BCAS3: variants seen among roughly 807,000 people sequenced by gnomAD.
The protein encoded by BCAS3 is BCAS3 microtubule associated cell migration factor, also known as BCAS4/BCAS3 fusion.
In BCAS3, 53 loss-of-function variants were observed where a neutral mutation model predicts 116.1. That is an observed-to-expected ratio of 0.46 (90% CI 0.37 to 0.57). BCAS3 has a LOEUF of 0.57. Among genes scored for constraint, BCAS3 ranks in the 20% least tolerant of loss-of-function variants. The pLI is 0.00. For missense variants in BCAS3, 917 were observed against 1,165.4 expected, an observed-to-expected ratio of 0.79 and a Z score of 3.10; for synonymous variants, 391 against 408.2, an observed-to-expected ratio of 0.96 and a Z score of 0.51.
intron 10 of BCAS3, among the ~76,000 whole-genome samples, chr17:60,891,976 G>T (rs1446499160): frequency 6.6e-6 from 1 of 152,162 alleles, no homozygotes; most frequent in Non-Finnish European, 1.5e-5. Context: ...CAAAGGACAT[G>T]ATTTCATTCT....
intron 12 of BCAS3, among the ~76,000 whole-genome samples, chr17:60,912,672 T>G (rs1305920931): frequency 6.6e-6 from 1 of 152,152 alleles, no homozygotes; most frequent in Non-Finnish European, 1.5e-5. Flanking sequence ...TTAGTTGATG[T>G]GGATAAACAC....
At chr17:60,830,851 T>G (rs1292783373) in intron 7 of BCAS3, among the ~76,000 whole-genome samples, 6 of 87,378 alleles carry the variant, frequency 6.9e-5, no homozygotes, top group Non-Finnish European at 1.3e-4. Context: ...AATTTTTGGG[T>G]TTTTTTTTTT....
At chr17:60,945,956 T>C (rs2060468951) in intron 13 of BCAS3, among the ~76,000 whole-genome samples, 1 of 150,530 alleles carries the variant, frequency 6.6e-6, no homozygotes, top group Non-Finnish European at 1.5e-5. Flanking sequence ...CCGTCTCTAC[T>C]AAAAGTACAA....
At chr17:61,000,899 A>G (rs1284742316) in intron 15 of BCAS3, among the ~76,000 whole-genome samples, 1 of 152,150 alleles carries the variant, frequency 6.6e-6, no homozygotes, top group African/African-American at 2.4e-5. Flanking sequence ...AAATCAGTAC[A>G]CCTATTCTTG....
intron 22 of BCAS3, among the ~76,000 whole-genome samples, chr17:61,294,186 A>G (rs1290134041): frequency 6.6e-6 from 1 of 152,206 alleles, no homozygotes; most frequent in African/African-American, 2.4e-5. Flanking sequence ...ACAGATCCCA[A>G]CTACTGTAGT....
intron 22 of BCAS3, among the ~76,000 whole-genome samples, chr17:61,359,971 C>T (rs899045450): frequency 6.6e-6 from 1 of 151,082 alleles, no homozygotes; most frequent in African/African-American, 2.4e-5. Flanking sequence ...GGGCCTAGTG[C>T]AGGAGCTCAG....
intron 4 of BCAS3, among the ~76,000 whole-genome samples, chr17:60,690,617 A>G (rs928924866): frequency 5.3e-5 from 8 of 150,306 alleles, no homozygotes; most frequent in African/African-American, 2.0e-4. Context: ...ATAAAAAAAA[A>G]TCATTTATAA....
Position 61,136,622 on chromosome 17 carries a change from C to T in BCAS3, c.2425+52058C>T, listed in dbSNP as rs946032086. 2.6e-5 allele frequency among the ~76,000 whole-genome samples: 4 copies of T among 152,118 alleles called. No individual in the cohort carries two copies. Among genetic ancestry groups the T allele is most frequent in the Non-Finnish European group, 5.9e-5 (4 of 68,012 alleles). On this transcript the variant is annotated intron_variant, in intron 22 of 23. Transcript: ENST00000407086. This position sits in a 1 kb window ranked among gnomAD's most constrained non-coding sequence, Gnocchi z 4.4. ...TCGCCCAGGCTGGAGTGCAGTAGCG[C>T]GATCTCAGCTCACTGCAACCTCTGC... is the stretch of plus-strand genomic sequence containing the variant.
In BCAS3 at chr17:61,256,250, T is replaced by TTTTG. The variant is rs75288690; in HGVS notation, c.2426-112049_2426-112046dup. Among the ~76,000 whole-genome samples, 38,209 of 151,586 alleles carry TTTTG rather than the reference T, an allele frequency of 0.25. 5,250 individuals are homozygous for TTTTG. The highest frequency in any genetic ancestry group is 0.32 in the Middle Eastern group (94 of 294). On this transcript the variant is annotated intron_variant, in intron 22 of 23. Transcript: ENST00000407086. The surrounding 1 kb of genome is among the most constrained non-coding windows in gnomAD (Gnocchi z 5.6). ...TCTTCAAGCCAAGAGGTAGTTTGGT[T>TTTTG]TTTGTTTGTTTGTTTGTTTGTTTGT...
intron 5 of BCAS3, chr17:60,727,437 C>T (rs1017743001): frequency 5.0e-6 from 8 of 1,590,422 alleles, no homozygotes; most frequent in Non-Finnish European, 6.0e-6. Context: ...TGATGCTTGC[C>T]ACACTTCTTA....
At chr17:61,123,689 G>A (rs2075910047) in intron 22 of BCAS3, among the ~76,000 whole-genome samples, 1 of 151,840 alleles carries the variant, frequency 6.6e-6, no homozygotes. Context: ...TACTTGTAGT[G>A]CCTCTGTAAA....
At chr17:60,746,168 T>G (rs2041997784) in intron 5 of BCAS3, among the ~76,000 whole-genome samples, 4 of 152,172 alleles carry the variant, frequency 2.6e-5, no homozygotes, top group Admixed American at 2.6e-4. Flanking sequence ...CCATTTTCTC[T>G]GATAGTGCAT....
In BCAS3 at chr17:61,180,189, G is replaced by A. The variant is rs147807913; in HGVS notation, c.2425+95625G>A. On this transcript the variant is annotated intron_variant, in intron 22 of 23. Transcript: ENST00000407086. This position sits in a 1 kb window ranked among gnomAD's most constrained non-coding sequence, Gnocchi z 6.0. ...TGTAAGGGACTTGTTATGAAGGACC[G>A]ATTAAAAGCTCAGAGAAGCTGTCGT... 4.2e-3 allele frequency among the ~76,000 whole-genome samples: 644 copies of A among 152,174 alleles called. 6 individuals are homozygous for A. Among genetic ancestry groups the A allele is most frequent in the African/African-American group, 0.015 (611 of 41,530 alleles).
At chr17:60,901,743 A>G (rs1381196139) in intron 10 of BCAS3, among the ~76,000 whole-genome samples, 1 of 152,248 alleles carries the variant, frequency 6.6e-6, no homozygotes, top group Admixed American at 6.5e-5. Flanking sequence ...GTTTTAAACA[A>G]TGTAAAGCAT....
intron 13 of BCAS3, among the ~76,000 whole-genome samples, chr17:60,929,657 G>A (rs1314904429): frequency 6.6e-6 from 1 of 150,704 alleles, no homozygotes; most frequent in Non-Finnish European, 1.5e-5. Context: ...CCATGCTGGT[G>A]TGCTGCACCC....
chr17:60,839,051 TAATG>T (rs1243142478), intron 7 of BCAS3, among the ~76,000 whole-genome samples: 1 of 152,220 alleles, frequency 6.6e-6, no homozygotes, highest in Non-Finnish European at 1.5e-5. Flanking sequence ...TATAAGTAGA[TAATG>T]TATGTATTTA....
chr17:61,291,850 G>A (rs1482175041), intron 22 of BCAS3, among the ~76,000 whole-genome samples: 1 of 152,182 alleles, frequency 6.6e-6, no homozygotes, highest in Non-Finnish European at 1.5e-5. Context: ...ATGCACGCCC[G>A]TGCTGCTGTG....
Position 61,005,661 on chromosome 17 carries a change from G to A in BCAS3, c.1487-10090G>A, listed in dbSNP as rs370369015. Reference sequence around the variant, plus strand: ...AAGGAAGGCGTCCGTGGGTTGGGGCGGGAGAATAGGGGACTGTGAGGAGAA... The same window carrying A: ...AAGGAAGGCGTCCGTGGGTTGGGGCAGGAGAATAGGGGACTGTGAGGAGAA... On this transcript the variant is annotated intron_variant, in intron 15 of 23. Transcript: ENST00000407086. Among the ~76,000 whole-genome samples the A allele has an allele frequency of 7.9e-5, 12 of 151,914 alleles. No individual in the cohort carries two copies. In the East Asian group the frequency reaches 1.7e-3, roughly 22 times the overall value.
In BCAS3 at chr17:60,939,663, G is replaced by A. The variant is rs1483455887; in HGVS notation, c.1088-7556G>A. Among the ~76,000 whole-genome samples the A allele has an allele frequency of 2.0e-5, 3 of 152,176 alleles. No homozygotes were observed. The East Asian group carries it at 5.8e-4, about 29-fold the overall frequency. On this transcript the variant is annotated intron_variant, in intron 13 of 23. Transcript: ENST00000407086. ...ATGAGTGGTTGCTTGGGGCCAGGTG[G>A]TTGGGGAGAGGATGGTTTGCAAGTG... is the stretch of plus-strand genomic sequence containing the variant.
Sources: allele counts gnomAD v4.1 joint callset (sites outside exome capture counted in the v4.1 genomes callset), GRCh38; gene constraint gnomAD v4.1.1; non-coding constraint Gnocchi (gnomAD v3.1); transcripts MANE v1.5; gene names NCBI Gene and HGNC (gene_info 2026-07-23, HGNC 2026-07-21).